The following RB1 variants were observed in gnomAD, a reference collection of about 807,000 sequenced individuals.
The protein encoded by RB1 is RB transcriptional corepressor 1.
In RB1, 18 loss-of-function variants were observed where a neutral mutation model predicts 135.4. The ratio of observed to expected loss-of-function variants is 0.13; its 90% CI spans 0.09 to 0.20. The LOEUF (loss-of-function observed/expected upper bound fraction) is 0.20, where lower values mean the gene tolerates loss of function less well. Among genes scored for constraint, RB1 ranks in the 10% least tolerant of loss-of-function variants. The pLI is 1.00. For synonymous variants in RB1, 365 were observed against 373.2 expected (o/e 0.98, Z 0.25); for missense variants, 868 against 1,110.0 (o/e 0.78, Z 3.10).
chr13:48,440,098 C>G (rs1949222390), intron 17 of RB1, among the ~76,000 whole-genome samples: 2 of 152,052 alleles, frequency 1.3e-5, no homozygotes, highest in Admixed American at 1.3e-4. Context: ...TGTAGATATT[C>G]TCTCTTTTTG....
Position 48,445,029 on chromosome 13 carries a change from C to T in RB1, c.1696-7964C>T, listed in dbSNP as rs1949274967. The T allele has an allele frequency of 6.6e-6, 1 of 151,442 alleles. No individual in the cohort carries two copies. Among genetic ancestry groups the T allele is most frequent in the Admixed American group, 6.6e-5 (1 of 15,188 alleles). The allele number at this position is 151,442 out of a possible 1,614,324, so 9.4% of individuals were successfully genotyped here. A position where few individuals can be genotyped will look rare whatever the true frequency, so the allele number is the denominator to read the frequency against. On this transcript the variant is annotated intron_variant, in intron 17 of 26. Coordinates refer to ENST00000267163, the MANE Select transcript of RB1 (RefSeq NM_000321.3). Reference sequence around the variant, plus strand: ...TTTCACAGATCAATAGAGTTAACTCCTGAGTTATATGCATACAACCCCAAA... The same window carrying T: ...TTTCACAGATCAATAGAGTTAACTCTTGAGTTATATGCATACAACCCCAAA...
chr13:48,380,070 C>G lies in RB1; in HGVS notation c.1407C>G (p.Ser469=). The part of the protein sequence containing the change: ...SMLKSEEERL[S]IQNFSKLLND... ...TGTTTCAGGAAGAAGAACGATTATC[C>G]ATTCAAAATTTTAGGTAAATTTTTT... Residue 469 remains serine (S), a synonymous_variant, in exon 15 of 27, where the codon TCC becomes TCG. Transcript: ENST00000267163. 7.4e-7 allele frequency: 1 copy of G among 1,352,192 alleles called. No individual in the cohort carries two copies. Among genetic ancestry groups the G allele is most frequent in the Non-Finnish European group, 1.0e-6 (1 of 1,003,202 alleles). 83.8% of individuals were successfully genotyped at this position (1,352,192 alleles called of 1,614,324 possible). A position where few individuals can be genotyped will look rare whatever the true frequency, so the allele number is the denominator to read the frequency against.
chr13:48,383,115 G>A (rs112034826), intron 17 of RB1, among the ~76,000 whole-genome samples: 4 of 152,198 alleles, frequency 2.6e-5, no homozygotes, highest in African/African-American at 7.2e-5. Flanking sequence ...AAATGCAAAT[G>A]TCTGCTCTTA....
At chr13:48,342,862 C>G in intron 3 of RB1, 148 bp downstream of exon 3, 1 of 624,650 alleles carries the variant, frequency 1.6e-6, no homozygotes, top group Non-Finnish European at 2.8e-6. Context: ...CTGCCATTCT[C>G]TCATGGAGCC....
At chr13:48,320,559 G>T in intron 2 of RB1, 2 of 466,314 alleles carry the variant, frequency 4.3e-6, no homozygotes, top group Non-Finnish European at 3.9e-6. Context: ...GCAGCGGGGT[G>T]CAGTGGCTCA....
rs762766187 is a variant in RB1, at chr13:48,304,062, A to T, written c.137+13A>T. The T allele has an allele frequency of 2.2e-5, 31 of 1,414,238 alleles. No individual in the cohort carries two copies. The South Asian group carries it at 4.3e-4, about 20-fold the overall frequency. 87.6% of individuals were successfully genotyped at this position (1,414,238 alleles called of 1,614,324 possible). ...TGCCTCTCGTCAGGTGAGCGAGCAG[A>T]GCCGCCGTCGCCTCACGCGGGAAGG... On this transcript the variant is annotated intron_variant, in intron 1 of 26. Transcript: ENST00000267163.
intron 21 of RB1, 127 bp from the exon 22 acceptor site, chr13:48,464,871 T>C (rs752503538): frequency 8.7e-5 from 93 of 1,070,660 alleles, no homozygotes; most frequent in Non-Finnish European, 1.2e-4. Context: ...TAATATGTGC[T>C]TCTTACCAGT....
At chr13:48,423,657 C>G (rs1949040183) in intron 17 of RB1, among the ~76,000 whole-genome samples, 1 of 151,946 alleles carries the variant, frequency 6.6e-6, no homozygotes, top group Non-Finnish European at 1.5e-5. Flanking sequence ...TTGTACATAA[C>G]ATTGAGAACA....
chr13:48,385,233 A>T (rs1392205305), intron 17 of RB1, among the ~76,000 whole-genome samples: 1 of 152,158 alleles, frequency 6.6e-6, no homozygotes, highest in African/African-American at 2.4e-5. Context: ...AAATCTGCTC[A>T]TAATGTAAAT....
At chr13:48,431,915 TTTATTGAGTGTAAC>T (rs1286514892) in intron 17 of RB1, among the ~76,000 whole-genome samples, 1 of 152,180 alleles carries the variant, frequency 6.6e-6, no homozygotes, top group Non-Finnish European at 1.5e-5. Flanking sequence ...TAGCAAAATA[TTTATTGAGTGTAAC>T]TGTGTACCAG....
chr13:48,393,281 C>G (rs1948624507), intron 17 of RB1, among the ~76,000 whole-genome samples: 1 of 152,224 alleles, frequency 6.6e-6, no homozygotes, highest in African/African-American at 2.4e-5. Flanking sequence ...CTCTAGTATT[C>G]TGTCCTGCTA....
At chr13:48,446,644 T>A (rs972536488) in intron 17 of RB1, among the ~76,000 whole-genome samples, 3 of 152,076 alleles carry the variant, frequency 2.0e-5, no homozygotes, top group African/African-American at 7.2e-5. Flanking sequence ...GATATGTGAA[T>A]AATGGAGTGG....
chr13:48,382,931 G>A (rs1948547206), intron 17 of RB1, among the ~76,000 whole-genome samples: 1 of 151,984 alleles, frequency 6.6e-6, no homozygotes, highest in African/African-American at 2.4e-5. Context: ...AGTTTTCCCA[G>A]CACCATTTAT....
intron 2 of RB1, among the ~76,000 whole-genome samples, chr13:48,312,480 G>A (rs1430495332): frequency 6.6e-6 from 1 of 152,164 alleles, no homozygotes; most frequent in Non-Finnish European, 1.5e-5. Flanking sequence ...TGTTGTGAGG[G>A]TGGGAGCAAT....
intron 2 of RB1, chr13:48,318,381 G>T: frequency 2.0e-6 from 3 of 1,492,154 alleles, no homozygotes; most frequent in South Asian, 1.2e-5. Flanking sequence ...CTTTCGCTTG[G>T]ACCTTAAGTC....
chr13:48,328,377 G>A, intron 2 of RB1: 1 of 1,534,922 alleles, frequency 6.5e-7, no homozygotes, highest in Non-Finnish European at 9.0e-7. Flanking sequence ...TGCTTTCTTT[G>A]TCGTCTGACT....
chr13:48,413,605 C>G (rs1948856233), intron 17 of RB1, among the ~76,000 whole-genome samples: 1 of 152,126 alleles, frequency 6.6e-6, no homozygotes, highest in African/African-American at 2.4e-5. Context: ...GAAAAATACT[C>G]AATATTTAAT....
intron 2 of RB1, among the ~76,000 whole-genome samples, chr13:48,308,733 A>G (rs941315081): frequency 2.6e-5 from 4 of 152,170 alleles, no homozygotes; most frequent in Non-Finnish European, 5.9e-5. Flanking sequence ...GAAATATAAA[A>G]TCTTTTTTTA....
chr13:48,309,541 C>A (rs1247117993), intron 2 of RB1, among the ~76,000 whole-genome samples: 1 of 152,076 alleles, frequency 6.6e-6, no homozygotes, highest in East Asian at 1.9e-4. Context: ...TTTTAACTGA[C>A]TTGGGTACCT....
Sources: allele counts gnomAD v4.1 joint callset (sites outside exome capture counted in the v4.1 genomes callset), GRCh38; gene constraint gnomAD v4.1.1; transcripts MANE v1.5; gene names NCBI Gene and HGNC (gene_info 2026-07-23, HGNC 2026-07-21).